The following FOXR1 variants were observed in gnomAD, a reference collection of about 807,000 sequenced individuals.
The protein encoded by FOXR1 is forkhead box R1.
In FOXR1, 25 loss-of-function variants were observed where a neutral mutation model predicts 34.5. The ratio of observed to expected loss-of-function variants is 0.72; its 90% CI spans 0.53 to 1.01. The LOEUF (loss-of-function observed/expected upper bound fraction) is 1.01. Ranked by LOEUF, FOXR1 falls within the 50% of genes least tolerant of loss-of-function variation. The probability of loss-of-function intolerance (pLI) is 0.00; values close to 1 mark genes in which losing one functional copy is unlikely to be tolerated. For synonymous variants in FOXR1, 153 were observed against 141.6 expected (o/e 1.08, Z -0.57); for missense variants, 373 against 376.2 (o/e 0.99, Z 0.07).
rs1565648156 is a variant in FOXR1, at chr11:118,981,192, T to C, written c.851-16T>C. 7.4e-6 allele frequency: 12 copies of C among 1,614,032 alleles called. No homozygotes were observed. Among genetic ancestry groups the C allele is most frequent in the Non-Finnish European group, 9.3e-6 (11 of 1,179,872 alleles). The stretch of plus-strand genomic sequence containing the variant: ...TTGTGAAGTATAAACTCCTGAACTC[T>C]CTCCTTTTCTTACAGATGTGATGCC... On this transcript the variant is annotated splice_polypyrimidine_tract_variant and intron_variant, in intron 5 of 5. Transcript: ENST00000317011.
At chr11:118,972,645 C>T (rs548709529) in intron 1 of FOXR1, among the ~76,000 whole-genome samples, 3 of 150,556 alleles carry the variant, frequency 2.0e-5, no homozygotes, top group African/African-American at 4.9e-5. Context: ...TTTTTTGAGA[C>T]GGAGTCTTGC....
chr11:118,972,756 T>C (rs1000536717), intron 1 of FOXR1, among the ~76,000 whole-genome samples: 4 of 151,950 alleles, frequency 2.6e-5, no homozygotes, highest in African/African-American at 7.2e-5. Context: ...CTGAGTAGCC[T>C]GGATTGCAGG....
intron 1 of FOXR1, among the ~76,000 whole-genome samples, chr11:118,976,256 C>T (rs942371298): frequency 1.3e-5 from 2 of 152,194 alleles, no homozygotes; most frequent in East Asian, 1.9e-4. Context: ...AGTGCAATAG[C>T]GTAAGCTTGG....
At position 118,979,654 on chromosome 11, in the gene FOXR1, C is replaced by T. The variant is rs370582440; in HGVS notation, c.597C>T (p.Ile199=). The T allele has an allele frequency of 1.2e-6, 2 of 1,604,036 alleles. No individual in the cohort carries two copies. The highest frequency in any genetic ancestry group is 1.1e-5 in the South Asian group (1 of 89,420). Reference sequence around the variant, plus strand: ...CCTGTGGCCTCAACGTGCAACAGATCTACAGTTTCACTCGGTATGTGCCGG... The same window carrying T: ...CCTGTGGCCTCAACGTGCAACAGATTTACAGTTTCACTCGGTATGTGCCGG... The part of the protein sequence containing the change: ...SSPCGLNVQQ[I]YSFTRKHFPF... Residue 199 remains isoleucine (I), a synonymous_variant, in exon 4 of 6, where the codon ATC becomes ATT. Transcript: ENST00000317011.
rs376373726 is a variant in FOXR1 at position 118,980,487 on chromosome 11, T to C, written c.612-3T>C. On this transcript the variant is annotated splice_polypyrimidine_tract_variant and splice_region_variant and intron_variant, in intron 4 of 5. Coordinates refer to ENST00000317011, the MANE Select transcript of FOXR1 (RefSeq NM_181721.3). ...TTTCCTTACCTCTCCTCCCTGTCCA[T>C]AGAAAGCACTTCCCCTTTTTCCGGA... 2.9e-5 allele frequency: 46 copies of C among 1,613,942 alleles called. No individual in the cohort carries two copies. Among genetic ancestry groups the C allele is most frequent in the African/African-American group, 4.0e-5 (3 of 74,938 alleles).
chr11:118,979,498 A>G lies in FOXR1; in HGVS notation c.441A>G (p.Pro147=). The part of the protein sequence containing the change: ...DQEDSSSMAL[P]SPHKRAPLQS... ...AAGACAGCTCCTCTATGGCTCTCCC[A>G]TCCCCTCACAAAAGGGCCCCCCTCC... Residue 147 remains proline (P), a synonymous_variant, in exon 4 of 6, where the codon CCA becomes CCG. Coordinates refer to ENST00000317011, the MANE Select transcript of FOXR1 (RefSeq NM_181721.3). The G allele has an allele frequency of 1.2e-6, 2 of 1,613,148 alleles. No homozygotes were observed. The highest frequency in any genetic ancestry group is 2.2e-5 in the South Asian group (2 of 90,856).
rs369297325 is a variant in FOXR1 at position 118,979,515 on chromosome 11, C to G, written c.458C>G (p.Ala153Gly). 2.0e-5 allele frequency: 32 copies of G among 1,613,282 alleles called. No individual in the cohort carries two copies. Among genetic ancestry groups the G allele is most frequent in the Non-Finnish European group, 2.6e-5 (31 of 1,179,592 alleles). ...SMALPSPHKRAPLQSRRLRQA... is the reference protein window; with the variant it reads ...SMALPSPHKRGPLQSRRLRQA... ...GCTCTCCCATCCCCTCACAAAAGGG[C>G]CCCCCTCCAGAGTCGGAGGCTTCGG... Residue 153 changes from alanine to glycine, a missense_variant, in exon 4 of 6, where the codon GCC (alanine) becomes GGC (glycine). Transcript: ENST00000317011.
chr11:118,972,669 C>T (rs1192175670), intron 1 of FOXR1, among the ~76,000 whole-genome samples: 1 of 151,728 alleles, frequency 6.6e-6, no homozygotes, highest in Non-Finnish European at 1.5e-5. Flanking sequence ...GTCGCCCAGG[C>T]TGGAGTGCAG....
chr11:118,976,356 G>A (rs78041768), intron 1 of FOXR1, among the ~76,000 whole-genome samples: 1,961 of 152,234 alleles, frequency 0.013, 45 homozygotes, highest in East Asian at 0.06. Context: ...CACCACACTC[G>A]GCTAGATTAT....
chr11:118,972,388 C>T (rs1941721706), intron 1 of FOXR1, among the ~76,000 whole-genome samples: 1 of 152,050 alleles, frequency 6.6e-6, no homozygotes, highest in Non-Finnish European at 1.5e-5. Context: ...AGTTACTTTT[C>T]CGTCTCTTAA....
chr11:118,980,676 C>T lies in FOXR1; in HGVS notation c.798C>T (p.Arg266=), dbSNP rs782218337. The change falls in exon 5 of 6, where the codon CGC becomes CGT. Residue 266 remains arginine (R), a synonymous_variant. Coordinates refer to ENST00000317011, the MANE Select transcript of FOXR1 (RefSeq NM_181721.3). The part of the protein sequence containing the change: ...EGHRRFAEEA[R]ALASTRLESI... ...ACCGCCGCTTTGCGGAGGAGGCCCG[C>T]GCCTTGGCTTCCACTCGGCTAGAAA... The T allele has an allele frequency of 4.2e-5, 68 of 1,613,932 alleles. No individual in the cohort carries two copies. The highest frequency in any genetic ancestry group is 8.9e-5 in the East Asian group (4 of 44,900).
chr11:118,976,881 A>T (rs1026328620), intron 1 of FOXR1, among the ~76,000 whole-genome samples: 1 of 152,134 alleles, frequency 6.6e-6, no homozygotes, highest in Non-Finnish European at 1.5e-5. Flanking sequence ...ATGCTGATTC[A>T]TATCATTTGT....
intron 1 of FOXR1, among the ~76,000 whole-genome samples, chr11:118,977,992 G>A (rs1941799783): frequency 6.6e-6 from 1 of 152,156 alleles, no homozygotes; most frequent in South Asian, 2.1e-4. Context: ...GGGTGAGGCA[G>A]GCAGATCATG....
At position 118,978,857 on chromosome 11, in the gene FOXR1, G is replaced by A. The variant is rs781994784; in HGVS notation, c.136+1G>A. ...AAAAAACCCAACCCTGATAAGGATGGTACGTATTGAGTTCTCTGACCTGTT... is the reference window on the plus strand; with the variant it reads ...AAAAAACCCAACCCTGATAAGGATGATACGTATTGAGTTCTCTGACCTGTT... On this transcript the variant is annotated splice_donor_variant, in intron 2 of 5. Coordinates refer to ENST00000317011, the MANE Select transcript of FOXR1 (RefSeq NM_181721.3). LOFTEE classifies it high-confidence loss of function. 6.2e-7 allele frequency: 1 copy of A among 1,614,198 alleles called. No individual in the cohort carries two copies. The highest frequency in any genetic ancestry group is 1.1e-5 in the South Asian group (1 of 91,090).
chr11:118,979,713 GC>G, intron 4 of FOXR1, 45 bp downstream of exon 4: 1 of 1,518,322 alleles, frequency 6.6e-7, no homozygotes, highest in Non-Finnish European at 8.9e-7. Context: ...GGGGGCCAGG[GC>G]CCCGGGCTGA....
chr11:118,976,873 G>C (rs1376172941), intron 1 of FOXR1, among the ~76,000 whole-genome samples: 1 of 152,066 alleles, frequency 6.6e-6, no homozygotes, highest in East Asian at 1.9e-4. Context: ...CCTTGTGAAT[G>C]CTGATTCATA....
chr11:118,980,756 A>G (rs782483644), intron 5 of FOXR1, 28 bp downstream of exon 5: 2 of 1,593,848 alleles, frequency 1.3e-6, no homozygotes, highest in South Asian at 1.1e-5. Context: ...GCGTGGGCCC[A>G]AGGGGAAGAG....
rs1389022175 is a variant in FOXR1 at position 118,980,543 on chromosome 11, G to A, written c.665G>A (p.Arg222His). The change falls in exon 5 of 6, where the codon CGT becomes CAT. Residue 222 changes from arginine to histidine, a missense_variant. By Grantham distance (29) the Arg-to-His change is conservative (BLOSUM62 0). Coordinates refer to ENST00000317011, the MANE Select transcript of FOXR1 (RefSeq NM_181721.3). ...CCGGAAGGCTGGAAGAATACTGTCCGTCACAATCTCTGTTTTCGAGACAGC... is the reference window on the plus strand; with the variant it reads ...CCGGAAGGCTGGAAGAATACTGTCCATCACAATCTCTGTTTTCGAGACAGC... ...TAPEGWKNTV[R>H]HNLCFRDSFE... 5 of 1,614,244 alleles carry A rather than the reference G, an allele frequency of 3.1e-6. No individual in the cohort carries two copies. The highest frequency in any genetic ancestry group is 1.6e-4 in the Middle Eastern group (1 of 6,062).
intron 1 of FOXR1, among the ~76,000 whole-genome samples, chr11:118,976,835 C>G (rs1941785203): frequency 6.6e-6 from 1 of 152,114 alleles, no homozygotes; most frequent in African/African-American, 2.4e-5. Context: ...TAATGCTGAT[C>G]ATCTCGTTAG....
Sources: gnomAD v4.1 joint callset for allele counts (sites outside exome capture counted in the v4.1 genomes callset) on GRCh38, gnomAD v4.1.1 for gene constraint, MANE v1.5 for transcripts, NCBI Gene and HGNC (gene_info 2026-07-23, HGNC 2026-07-21) for gene names.